The following WDR27 variants were observed in gnomAD, a reference collection of about 807,000 sequenced individuals.
WDR27 encodes WD repeat-containing protein 27.
In WDR27, 100 loss-of-function variants were observed where a neutral mutation model predicts 114.4. The ratio of observed to expected loss-of-function variants is 0.87; its 90% CI spans 0.74 to 1.03. The LOEUF is 1.03. WDR27 is among the 50% of genes least tolerant of loss of function. The pLI is 0.00. For synonymous variants in WDR27, 449 were observed against 423.1 expected, an observed-to-expected ratio of 1.06 and a Z score of -0.75; for missense variants, 1,129 against 1,092.9, an observed-to-expected ratio of 1.03 and a Z score of -0.47.
chr6:169,696,634 G>T (rs1585232105), intron 1 of WDR27, among the ~76,000 whole-genome samples: 1 of 152,202 alleles, frequency 6.6e-6, no homozygotes, highest in Non-Finnish European at 1.5e-5. Context: ...AAAAGCAGAC[G>T]CCGGGCACAG....
At chr6:169,678,514 C>G (rs1228512360) in intron 2 of WDR27, among the ~76,000 whole-genome samples, 1 of 152,180 alleles carries the variant, frequency 6.6e-6, no homozygotes, top group Non-Finnish European at 1.5e-5. Context: ...GTGGAAGGAA[C>G]TTGCCTTGTC....
chr6:169,616,781 T>C (rs139822874), intron 21 of WDR27, among the ~76,000 whole-genome samples: 1,595 of 152,192 alleles, frequency 0.01, 40 homozygotes, highest in African/African-American at 0.037. Flanking sequence ...ATACTATATA[T>C]GGAGAGTGCA....
intron 3 of WDR27, 72 bp downstream of exon 3, chr6:169,672,183 G>T (rs887140859): frequency 8.9e-5 from 135 of 1,519,714 alleles, no homozygotes; most frequent in Non-Finnish European, 1.2e-4. Context: ...CCCTTGGGTG[G>T]TACCAAGTAT....
At chr6:169,491,735 T>C (rs1789794265) in intron 25 of WDR27, among the ~76,000 whole-genome samples, 1 of 152,106 alleles carries the variant, frequency 6.6e-6, no homozygotes, top group African/African-American at 2.4e-5. Context: ...TGCTGGGACC[T>C]GGAATCACAG....
Position 169,702,022 on chromosome 6 carries a change from C to A in WDR27, c.-479G>T, listed in dbSNP as rs901655101. The A allele has an allele frequency of 4.5e-6, 2 of 449,352 alleles. No individual in the cohort carries two copies. Among genetic ancestry groups the A allele is most frequent in the Admixed American group, 2.4e-5 (1 of 41,416 alleles). 27.8% of individuals were successfully genotyped at this position (449,352 alleles called of 1,614,324 possible). A position where few individuals can be genotyped will look rare whatever the true frequency, so the allele number is the denominator to read the frequency against. ...CTTGCCAGCCGACCCACGCGAGCCGCTATGGTTACTAGCCCGCCGCCCCTC... is the reference window on the plus strand; with the variant it reads ...CTTGCCAGCCGACCCACGCGAGCCGATATGGTTACTAGCCCGCCGCCCCTC... On this transcript the variant is annotated 5_prime_UTR_variant, in exon 1 of 26. Coordinates refer to ENST00000448612, the MANE Select transcript of WDR27 (RefSeq NM_182552.5).
chr6:169,513,586 A>C (rs1407363642), intron 25 of WDR27, among the ~76,000 whole-genome samples: 1 of 151,892 alleles, frequency 6.6e-6, no homozygotes, highest in Non-Finnish European at 1.5e-5. Flanking sequence ...TCCAGAAAAC[A>C]ACCAGGCACT....
chr6:169,476,703 CAAGTAT>C (rs1276750420), intron 25 of WDR27, among the ~76,000 whole-genome samples: 1 of 152,116 alleles, frequency 6.6e-6, no homozygotes, highest in African/African-American at 2.4e-5. Context: ...TAGACACTTT[CAAGTAT>C]GAGTTGCCAT....
the WDR27 span, among the ~76,000 whole-genome samples, chr6:169,437,260 T>C: frequency 1.3e-5 from 2 of 149,632 alleles, no homozygotes; most frequent in Admixed American, 6.7e-5. Context: ...AGGAAATTGT[T>C]TGTTTTTCTA....
chr6:169,502,038 A>G (rs541555109), intron 25 of WDR27, among the ~76,000 whole-genome samples: 2 of 152,268 alleles, frequency 1.3e-5, no homozygotes, highest in East Asian at 3.9e-4. Flanking sequence ...TGGGGCATCC[A>G]ATGCCCTGAA....
rs1802069797 is a variant in WDR27 at position 169,575,248 on chromosome 6, A to ATCCC, written c.2524-2709_2524-2708insGGGA. ...CATCTCTCTCCCTCTCTATCCATCC[A>ATCCC]TCCATCCCTCCTTCCCTCTCTCTCC... On this transcript the variant is annotated intron_variant, in intron 24 of 25. Transcript: ENST00000448612. 2.1e-5 allele frequency among the ~76,000 whole-genome samples: 3 copies of ATCCC among 141,178 alleles called. 1 individual carries two copies. The highest frequency in any genetic ancestry group is 2.3e-4 in the South Asian group (1 of 4,292). 92.6% of individuals were successfully genotyped at this position (141,178 alleles called of 152,430 possible).
At chr6:169,701,013 T>C (rs1264011411) in intron 1 of WDR27, among the ~76,000 whole-genome samples, 1 of 152,192 alleles carries the variant, frequency 6.6e-6, no homozygotes, top group Non-Finnish European at 1.5e-5. Flanking sequence ...TGACAAGTGA[T>C]TGCTAAAGAT....
At position 169,664,217 on chromosome 6, in the gene WDR27, T is replaced by C; in HGVS notation, c.853A>G (p.Thr285Ala). 1 of 1,613,006 alleles carries C rather than the reference T, an allele frequency of 6.2e-7. No homozygotes were observed. The highest frequency in any genetic ancestry group is 8.5e-7 in the Non-Finnish European group (1 of 1,179,306). The change falls in exon 8 of 26, where the codon ACA (threonine) becomes GCA (alanine). Residue 285 changes from threonine (T) to alanine (A), a missense_variant. Coordinates refer to ENST00000448612, the MANE Select transcript of WDR27 (RefSeq NM_182552.5). Reference sequence around the variant, plus strand: ...ACCCTTCTTGTGGAGAAAGTCTCTGTCTTCTTCCTTAGGTCAACCCGTGCC... The same window carrying C: ...ACCCTTCTTGTGGAGAAAGTCTCTGCCTTCTTCCTTAGGTCAACCCGTGCC... Reference protein sequence around the residue: ...RVARVDLRKKTETFSTRRVKS... With the variant: ...RVARVDLRKKAETFSTRRVKS...
chr6:169,546,187 G>A (rs1797439952), intron 25 of WDR27, among the ~76,000 whole-genome samples: 1 of 152,240 alleles, frequency 6.6e-6, no homozygotes, highest in South Asian at 2.1e-4. Context: ...GGGAATGTAA[G>A]AGGGTATGGT....
chr6:169,626,526 T>C (rs1302969662), intron 21 of WDR27, among the ~76,000 whole-genome samples: 1 of 152,084 alleles, frequency 6.6e-6, no homozygotes, highest in African/African-American at 2.4e-5. Flanking sequence ...CAGGACCACC[T>C]CCTGGGGAAC....
intron 2 of WDR27, among the ~76,000 whole-genome samples, chr6:169,678,320 T>A (rs368227103): frequency 6.6e-6 from 1 of 152,186 alleles, no homozygotes; most frequent in Non-Finnish European, 1.5e-5. Context: ...ACAGAGTCAA[T>A]AGAGATAATT....
intron 1 of WDR27, among the ~76,000 whole-genome samples, chr6:169,697,736 G>C (rs1370370555): frequency 6.6e-6 from 1 of 152,188 alleles, no homozygotes; most frequent in African/African-American, 2.4e-5. Flanking sequence ...AGGGCCCCCT[G>C]TCCAGTGGAC....
intron 25 of WDR27, among the ~76,000 whole-genome samples, chr6:169,507,961 A>T (rs1431788082): frequency 1.3e-5 from 2 of 152,212 alleles, no homozygotes; most frequent in Non-Finnish European, 2.9e-5. Flanking sequence ...TGTACTATGA[A>T]TGGTTTATTT....
chr6:169,445,777 C>A, the WDR27 span, among the ~76,000 whole-genome samples: 1 of 152,240 alleles, frequency 6.6e-6, no homozygotes, highest in African/African-American at 2.4e-5. Context: ...GGCAGCACAT[C>A]CCTGCCTGCA....
At chr6:169,561,798 T>C (rs3006193) in intron 25 of WDR27, among the ~76,000 whole-genome samples, 89,808 of 152,028 alleles carry the variant, frequency 0.59, 29,247 homozygotes, top group Non-Finnish European at 0.72. Context: ...GATCAAGATG[T>C]AATTAAATAC....
Sources: allele counts gnomAD v4.1 joint callset (sites outside exome capture counted in the v4.1 genomes callset), GRCh38; gene constraint gnomAD v4.1.1; transcripts MANE v1.5; gene names NCBI Gene and HGNC (gene_info 2026-07-23, HGNC 2026-07-21).